ROS1: variants seen among roughly 807,000 people sequenced by gnomAD.
The protein encoded by ROS1 is proto-oncogene tyrosine-protein kinase ROS.
Under a neutral mutation model 273.5 loss-of-function variants are expected in ROS1, and 263 were observed. The observed-to-expected ratio is 0.96, with a 90% CI of 0.87 to 1.06. The LOEUF (loss-of-function observed/expected upper bound fraction) is 1.06, where lower values mean the gene tolerates loss of function less well. Among genes scored for constraint, ROS1 ranks in the 50% least tolerant of loss-of-function variants. The pLI is 0.00. For missense variants in ROS1, 2,833 were observed against 2,751.1 expected (o/e 1.03, Z -0.67); for synonymous variants, 1,008 against 954.1 (o/e 1.06, Z -1.04).
At chr6:117,342,037 A>G (rs1193528279) in intron 29 of ROS1, among the ~76,000 whole-genome samples, 3 of 152,194 alleles carry the variant, frequency 2.0e-5, no homozygotes, top group Non-Finnish European at 2.9e-5. Context: ...AGGCCTCAGT[A>G]AAATTCACAT....
intron 38 of ROS1, among the ~76,000 whole-genome samples, 188 bp from the exon 39 acceptor site, chr6:117,317,460 A>C (rs144515201): frequency 1.8e-4 from 28 of 152,242 alleles, no homozygotes; most frequent in African/African-American, 6.7e-4. Context: ...GGCAACCCCT[A>C]GTGGCCATGA....
chr6:117,337,539 T>C (rs963107462), intron 31 of ROS1, among the ~76,000 whole-genome samples, 199 bp from the exon 32 acceptor site: 1 of 152,094 alleles, frequency 6.6e-6, no homozygotes, highest in East Asian at 1.9e-4. Flanking sequence ...ATATAACTGA[T>C]TTACATGACT....
chr6:117,292,679 G>A (rs930530331), intron 43 of ROS1, among the ~76,000 whole-genome samples: 3 of 152,160 alleles, frequency 2.0e-5, no homozygotes, highest in Admixed American at 6.5e-5. Context: ...ACTGTGTCCT[G>A]GACTTCTCCG....
intron 5 of ROS1, among the ~76,000 whole-genome samples, chr6:117,406,310 G>A (rs1390346141): frequency 1.3e-5 from 2 of 151,664 alleles, no homozygotes; most frequent in Non-Finnish European, 2.9e-5. Flanking sequence ...AGAGATATGG[G>A]AGGTATCTAA....
intron 11 of ROS1, among the ~76,000 whole-genome samples, 197 bp downstream of exon 11, chr6:117,393,965 T>C (rs1182264102): frequency 2.6e-5 from 4 of 152,198 alleles, no homozygotes; most frequent in African/African-American, 7.2e-5. Flanking sequence ...TTTAATGCTA[T>C]GTCAGGACTA....
intron 1 of ROS1, among the ~76,000 whole-genome samples, chr6:117,423,444 TTC>T (rs1775905594): frequency 6.6e-6 from 1 of 152,236 alleles, no homozygotes; most frequent in Admixed American, 6.5e-5. Flanking sequence ...CAACCGTGAA[TTC>T]TTTTTTCTTT....
intron 27 of ROS1, among the ~76,000 whole-genome samples, chr6:117,348,594 C>G (rs1363418155): frequency 1.3e-5 from 2 of 151,706 alleles, no homozygotes; most frequent in African/African-American, 2.4e-5. Context: ...TTCTACTATA[C>G]TTCCTTTTTA....
At chr6:117,410,868 G>C (rs914044848) in intron 4 of ROS1, among the ~76,000 whole-genome samples, 45 of 152,100 alleles carry the variant, frequency 3.0e-4, no homozygotes, top group Admixed American at 3.9e-4. Flanking sequence ...GTTTGGGTTT[G>C]GAATTATTTA....
intron 36 of ROS1, 170 bp downstream of exon 36, chr6:117,321,089 C>T (rs2128562540): frequency 3.3e-6 from 2 of 614,292 alleles, no homozygotes; most frequent in South Asian, 4.3e-5. Context: ...CATAATTTTC[C>T]ATCCATCCCA....
rs968500864 is a variant in ROS1 at position 117,356,808 on chromosome 6, T to C, written c.3947A>G (p.Gln1316Arg). 1 of 1,614,088 alleles carries C rather than the reference T, an allele frequency of 6.2e-7. No individual in the cohort carries two copies. The highest frequency in any genetic ancestry group is 1.3e-5 in the African/African-American group (1 of 74,942). ...ACAAGAACATTGATTCCTTTTGTTT[T>C]GTTGGTTTGTAGCTGTGGGTTGCAG... ...RILQPTATNQQNKRNQCSCNV... is the reference protein window; with the variant it reads ...RILQPTATNQRNKRNQCSCNV... Residue 1316 changes from glutamine to arginine, a missense_variant, in exon 26 of 44, where the codon CAA becomes CGA. Physicochemically the swap from Gln to Arg is conservative, Grantham distance 43 (BLOSUM62 1). Coordinates refer to ENST00000368507, the MANE Select transcript of ROS1 (RefSeq NM_001378902.1).
In ROS1 at chr6:117,318,271, A is replaced by T. The variant is rs1474039486; in HGVS notation, c.5923-19T>A. On this transcript the variant is annotated intron_variant, in intron 37 of 43. Coordinates refer to ENST00000368507, the MANE Select transcript of ROS1 (RefSeq NM_001378902.1). ...TCAAAGTCTATACAACATAAAAACA[A>T]GTCAGGAATCAGTATAGCAGACATT... 1 of 1,597,722 alleles carries T rather than the reference A, an allele frequency of 6.3e-7. No homozygotes were observed.
chr6:117,355,619 T>G (rs1040233544), intron 26 of ROS1, among the ~76,000 whole-genome samples: 1 of 151,932 alleles, frequency 6.6e-6, no homozygotes, highest in African/African-American at 2.4e-5. Flanking sequence ...AATTTTAGTT[T>G]TTTTTTTTTT....
intron 28 of ROS1, among the ~76,000 whole-genome samples, chr6:117,343,854 G>A (rs1405226441): frequency 6.6e-6 from 1 of 152,092 alleles, no homozygotes; most frequent in African/African-American, 2.4e-5. Context: ...CCATCAATGG[G>A]CAAGAGTTGA....
rs1776636107 is a variant in ROS1, at chr6:117,326,224, C to T, written c.5539G>A (p.Asp1847Asn). The T allele has an allele frequency of 1.3e-6, 2 of 1,578,772 alleles. No individual in the cohort carries two copies. The highest frequency in any genetic ancestry group is 1.7e-6 in the Non-Finnish European group (2 of 1,164,566). The change falls in exon 34 of 44, where the codon GAT becomes AAT. Residue 1847 changes from aspartate (D) to asparagine (N), a missense_variant and splice_region_variant. By Grantham distance (23) the Asp-to-Asn change is conservative (BLOSUM62 1). Coordinates refer to ENST00000368507, the MANE Select transcript of ROS1 (RefSeq NM_001378902.1). ...TGTGTAGACAGACATGGTAACATAC[C>T]TCCAACTAATATAATATTCTCACTG... Reference protein sequence around the residue: ...GISENIILVGDDFWIPETSFI... With the variant: ...GISENIILVGNDFWIPETSFI...
chr6:117,411,219 A>ATCTC (rs3839368), intron 4 of ROS1, among the ~76,000 whole-genome samples: 6 of 133,660 alleles, frequency 4.5e-5, no homozygotes, highest in African/African-American at 8.5e-5. Context: ...CCTTCTCTCA[A>ATCTC]TCTCTCTCTC....
At chr6:117,423,025 C>CA (rs372602303) in intron 1 of ROS1, among the ~76,000 whole-genome samples, 3,768 of 143,038 alleles carry the variant, frequency 0.026, 129 homozygotes, top group African/African-American at 0.09. Flanking sequence ...TTTGTTAATT[C>CA]AAAAAAAAAA....
intron 32 of ROS1, among the ~76,000 whole-genome samples, chr6:117,330,631 TG>T (rs1463549075): frequency 1.3e-5 from 2 of 152,174 alleles, no homozygotes; most frequent in East Asian, 3.9e-4. Flanking sequence ...CACCCATTTT[TG>T]CTGCTCTCCA....
At chr6:117,305,063 T>G (rs1775003705) in intron 42 of ROS1, among the ~76,000 whole-genome samples, 1 of 152,274 alleles carries the variant, frequency 6.6e-6, no homozygotes, top group South Asian at 2.1e-4. Flanking sequence ...ACCTCTTTTC[T>G]TTATAAATTA....
chr6:117,370,062 T>C (rs1780645373), intron 18 of ROS1, among the ~76,000 whole-genome samples: 1 of 152,182 alleles, frequency 6.6e-6, no homozygotes, highest in African/African-American at 2.4e-5. Flanking sequence ...GATGTATGTG[T>C]ATAAATCTAT....
Sources: allele counts gnomAD v4.1 joint callset (sites outside exome capture counted in the v4.1 genomes callset), GRCh38; gene constraint gnomAD v4.1.1; transcripts MANE v1.5; gene names NCBI Gene and HGNC (gene_info 2026-07-23, HGNC 2026-07-21).